FXN: variants seen among roughly 807,000 people sequenced by gnomAD.
FXN encodes frataxin, mitochondrial.
In FXN, 14 loss-of-function variants were observed where a neutral mutation model predicts 22.4. The ratio of observed to expected loss-of-function variants is 0.62; its 90% CI spans 0.41 to 0.98. The LOEUF (loss-of-function observed/expected upper bound fraction) is 0.98. FXN is among the 50% of genes least tolerant of loss of function. FXN has a pLI of 0.00. For synonymous variants in FXN, 120 were observed against 114.1 expected, an observed-to-expected ratio of 1.05 and a Z score of -0.33; for missense variants, 267 against 268.4, an observed-to-expected ratio of 0.99 and a Z score of 0.04.
chr9:69,052,147 C>CTT (rs1449777679), intron 2 of FXN, among the ~76,000 whole-genome samples: 1 of 120,076 alleles, frequency 8.3e-6, no homozygotes, highest in African/African-American at 2.9e-5. Context: ...CAGGCCCAGC[C>CTT]TATTTTTTTT....
chr9:69,070,600 G>T (rs1226826238), intron 4 of FXN, among the ~76,000 whole-genome samples: 1 of 152,208 alleles, frequency 6.6e-6, no homozygotes, highest in Non-Finnish European at 1.5e-5. Context: ...ACTTTTGACT[G>T]ATCTCTTGTT....
At chr9:69,037,537 G>A (rs1397712195) in intron 1 of FXN, among the ~76,000 whole-genome samples, 1 of 152,182 alleles carries the variant, frequency 6.6e-6, no homozygotes, top group African/African-American at 2.4e-5. Context: ...ATAGGCAAGT[G>A]TGGCCATGAT....
At position 69,060,243 on chromosome 9, in the gene FXN, C is replaced by T. The variant is rs548690504; in HGVS notation, c.385-4695C>T. On this transcript the variant is annotated intron_variant, in intron 3 of 4. Transcript: ENST00000484259. The stretch of plus-strand genomic sequence containing the variant: ...AAAATTAGCTGGGCGTGGTGGTGGG[C>T]GCCTGTAGTCCCAGCTACTCGGGAA... Among the ~76,000 whole-genome samples, 267 of 152,096 alleles carry T rather than the reference C, an allele frequency of 1.8e-3. 1 individual carries two copies. Among genetic ancestry groups the T allele is most frequent in the Non-Finnish European group, 2.7e-3 (183 of 67,996 alleles).
At position 69,077,684 on chromosome 9, in the gene FXN, C is replaced by G; in HGVS notation, c.*4922C>G. The G allele has an allele frequency of 1.0e-6, 1 of 974,820 alleles. No homozygotes were observed. Among genetic ancestry groups the G allele is most frequent in the Non-Finnish European group, 1.2e-6 (1 of 820,284 alleles). The allele number at this position is 974,820 out of a possible 1,614,324, so 60.4% of individuals were successfully genotyped here. A position where few individuals can be genotyped will look rare whatever the true frequency, so the allele number is the denominator to read the frequency against. ...GTGGCTCACACCTGTAATCCCAGCACTTTGAGAGGCTGAGGCAGGTGGATC... is the reference window on the plus strand; with the variant it reads ...GTGGCTCACACCTGTAATCCCAGCAGTTTGAGAGGCTGAGGCAGGTGGATC... On this transcript the variant is annotated 3_prime_UTR_variant, in exon 5 of 5. Transcript: ENST00000484259.
At position 69,078,673 on chromosome 9, in the gene FXN, G is replaced by T; in HGVS notation, c.*5911G>T. 3 of 954,476 alleles carry T rather than the reference G, an allele frequency of 3.1e-6. No homozygotes were observed. Among genetic ancestry groups the T allele is most frequent in the Non-Finnish European group, 3.7e-6 (3 of 819,808 alleles). 59.1% of individuals were successfully genotyped at this position (954,476 alleles called of 1,614,324 possible). A position where few individuals can be genotyped will look rare whatever the true frequency, so the allele number is the denominator to read the frequency against. ...CAATCCCAAATCCCCAGATCCCTAAGTGTGCTGTGCTATTTTCACGTGGCT... is the reference window on the plus strand; with the variant it reads ...CAATCCCAAATCCCCAGATCCCTAATTGTGCTGTGCTATTTTCACGTGGCT... On this transcript the variant is annotated 3_prime_UTR_variant, in exon 5 of 5. Coordinates refer to ENST00000484259, the MANE Select transcript of FXN (RefSeq NM_000144.5).
At chr9:69,064,227 T>C (rs1832127497) in intron 3 of FXN, among the ~76,000 whole-genome samples, 1 of 152,342 alleles carries the variant, frequency 6.6e-6, no homozygotes, top group African/African-American at 2.4e-5. Context: ...AAGGACTCTT[T>C]TGTTGAAAGA....
chr9:69,055,350 A>T (rs771521962), intron 3 of FXN, among the ~76,000 whole-genome samples: 1 of 152,174 alleles, frequency 6.6e-6, no homozygotes, highest in Non-Finnish European at 1.5e-5. Context: ...GCAGACATTG[A>T]TTAGCAAGCT....
At position 69,078,597 on chromosome 9, in the gene FXN, T is replaced by A. The variant is rs984378823; in HGVS notation, c.*5835T>A. The stretch of plus-strand genomic sequence containing the variant: ...GACTGAACTGTTCAGGCACTGACTC[T>A]ACATATAATTATGCTTTTCTACCCC... On this transcript the variant is annotated 3_prime_UTR_variant, in exon 5 of 5. Coordinates refer to ENST00000484259, the MANE Select transcript of FXN (RefSeq NM_000144.5). 2.0e-6 allele frequency: 2 copies of A among 985,778 alleles called. No homozygotes were observed. Among genetic ancestry groups the A allele is most frequent in the South Asian group, 9.4e-5 (2 of 21,286 alleles). The allele number at this position is 985,778 out of a possible 1,614,324, so 61.1% of individuals were successfully genotyped here.
intron 4 of FXN, among the ~76,000 whole-genome samples, chr9:69,067,611 A>C (rs1832194686): frequency 1.3e-5 from 2 of 152,128 alleles, no homozygotes; most frequent in African/African-American, 4.8e-5. Context: ...CAAAGCCTCA[A>C]AACAACAACA....
At chr9:69,070,413 G>A (rs905500952) in intron 4 of FXN, among the ~76,000 whole-genome samples, 1 of 152,146 alleles carries the variant, frequency 6.6e-6, no homozygotes, top group Non-Finnish European at 1.5e-5. Flanking sequence ...ACAGCTGACA[G>A]GGGCTCAGAA....
At chr9:69,045,598 C>CA (rs1456688280) in intron 1 of FXN, among the ~76,000 whole-genome samples, 1 of 151,126 alleles carries the variant, frequency 6.6e-6, no homozygotes, top group South Asian at 2.1e-4. Context: ...ATCTCAAAAA[C>CA]AAAAAACAAA....
intron 1 of FXN, among the ~76,000 whole-genome samples, chr9:69,045,124 G>A (rs1831724543): frequency 2.0e-5 from 3 of 152,286 alleles, no homozygotes; most frequent in South Asian, 2.1e-4. Context: ...CAGGATTCTC[G>A]AAACTGGTGG....
rs1028088816 is a variant in FXN, at chr9:69,035,907, T to G, written c.125T>G (p.Leu42Arg). The G allele has an allele frequency of 1.4e-6, 2 of 1,478,964 alleles. No homozygotes were observed. The highest frequency in any genetic ancestry group is 1.8e-6 in the Non-Finnish European group (2 of 1,120,916). The allele number at this position is 1,478,964 out of a possible 1,614,324, so 91.6% of individuals were successfully genotyped here. ...ELAPLCGRRG[L>R]RTDIDATCTP... ...GCCCCACTCTGCGGCCGCCGTGGCC[T>G]GCGCACCGACATCGATGCGACCTGC... Residue 42 changes from leucine (L) to arginine (R), a missense_variant, in exon 1 of 5, where the codon CTG becomes CGG. Coordinates refer to ENST00000484259, the MANE Select transcript of FXN (RefSeq NM_000144.5).
At chr9:69,067,658 T>A (rs1476709309) in intron 4 of FXN, among the ~76,000 whole-genome samples, 1 of 152,172 alleles carries the variant, frequency 6.6e-6, no homozygotes, top group Non-Finnish European at 1.5e-5. Flanking sequence ...ACAATAAAGA[T>A]CATCCTTGAG....
intron 3 of FXN, among the ~76,000 whole-genome samples, chr9:69,060,877 G>A (rs912926240): frequency 1.3e-5 from 2 of 152,202 alleles, no homozygotes; most frequent in Non-Finnish European, 2.9e-5. Context: ...AGCATGAAAA[G>A]ACAGATCTCC....
Position 69,074,202 on chromosome 9 carries a change from T to A in FXN, c.*1440T>A, listed in dbSNP as rs113836356. The A allele has an allele frequency of 4.5e-4, 203 of 455,088 alleles. No individual in the cohort carries two copies. The highest frequency in any genetic ancestry group is 2.1e-3 in the Middle Eastern group (2 of 936). 28.2% of individuals were successfully genotyped at this position (455,088 alleles called of 1,614,324 possible). On this transcript the variant is annotated 3_prime_UTR_variant, in exon 5 of 5. Transcript: ENST00000484259. ...CTGTCTCAAAATAATAATAACAATA[T>A]AATAATAATAATAGCCATCCTTTAT...
chr9:69,052,887 T>A (rs1445251791), intron 2 of FXN, among the ~76,000 whole-genome samples: 1 of 150,710 alleles, frequency 6.6e-6, no homozygotes, highest in Non-Finnish European at 1.5e-5. Flanking sequence ...ACGCCTGTAA[T>A]CCTAACATTT....
In FXN at chr9:69,078,632, A is replaced by T; in HGVS notation, c.*5870A>T. The T allele has an allele frequency of 1.0e-6, 1 of 985,806 alleles. No homozygotes were observed. The highest frequency in any genetic ancestry group is 1.2e-6 in the Non-Finnish European group (1 of 830,008). 61.1% of individuals were successfully genotyped at this position (985,806 alleles called of 1,614,324 possible). A position where few individuals can be genotyped will look rare whatever the true frequency, so the allele number is the denominator to read the frequency against. ...TATGCTTTTCTACCCCCTCACACTCAACACTTTGACTCCAGCAATCCCAAA... is the reference window on the plus strand; with the variant it reads ...TATGCTTTTCTACCCCCTCACACTCTACACTTTGACTCCAGCAATCCCAAA... On this transcript the variant is annotated 3_prime_UTR_variant, in exon 5 of 5. Transcript: ENST00000484259.
At position 69,077,831 on chromosome 9, in the gene FXN, G is replaced by A. The variant is rs1451028488; in HGVS notation, c.*5069G>A. 6.2e-6 allele frequency: 4 copies of A among 649,294 alleles called. No individual in the cohort carries two copies. The highest frequency in any genetic ancestry group is 2.0e-5 in the African/African-American group (1 of 50,302). 40.2% of individuals were successfully genotyped at this position (649,294 alleles called of 1,614,324 possible). A position where few individuals can be genotyped will look rare whatever the true frequency, so the allele number is the denominator to read the frequency against. ...TGTTATCCCAGCTACTCGGGAGGCT[G>A]AGGCAGGAGAATTGCTTGAACCTGG... On this transcript the variant is annotated 3_prime_UTR_variant, in exon 5 of 5. Transcript: ENST00000484259.
Sources: gnomAD v4.1 joint callset for allele counts (sites outside exome capture counted in the v4.1 genomes callset) on GRCh38, gnomAD v4.1.1 for gene constraint, MANE v1.5 for transcripts, NCBI Gene and HGNC (gene_info 2026-07-23, HGNC 2026-07-21) for gene names.